The following STK39 variants were observed in gnomAD, a reference collection of about 807,000 sequenced individuals.
STK39 encodes the protein STE20/SPS1-related proline-alanine-rich protein kinase.
A neutral mutation model predicts 77.8 loss-of-function variants in STK39; 20 were observed. That is an observed-to-expected ratio of 0.26 (90% CI 0.18 to 0.37). The LOEUF (loss-of-function observed/expected upper bound fraction) is 0.37, where lower values mean the gene tolerates loss of function less well. Ranked by LOEUF, STK39 falls within the 10% of genes least tolerant of loss-of-function variation. The pLI, the probability that STK39 is intolerant of heterozygous loss-of-function variation, is 1.00. For synonymous variants in STK39, 246 were observed against 234.1 expected, an observed-to-expected ratio of 1.05 and a Z score of -0.47; for missense variants, 479 against 656.5, an observed-to-expected ratio of 0.73 and a Z score of 2.95.
chr2:167,966,663 G>C (rs1016111218), intron 16 of STK39, among the ~76,000 whole-genome samples: 4 of 152,124 alleles, frequency 2.6e-5, no homozygotes, highest in South Asian at 4.1e-4. Context: ...AAGCAACTTG[G>C]AGACCTAAGG....
chr2:167,965,396 T>C (rs925287385), intron 16 of STK39, among the ~76,000 whole-genome samples: 3 of 152,222 alleles, frequency 2.0e-5, no homozygotes, highest in Non-Finnish European at 4.4e-5. Flanking sequence ...AGCTCAGTGC[T>C]GCAGATATGT....
At chr2:168,048,696 C>T (rs1685315781) in intron 14 of STK39, among the ~76,000 whole-genome samples, 1 of 152,166 alleles carries the variant, frequency 6.6e-6, no homozygotes, top group Admixed American at 6.5e-5. Flanking sequence ...TTGGCTCTTG[C>T]TTTATTCTTT....
intron 16 of STK39, among the ~76,000 whole-genome samples, chr2:167,965,220 CA>C (rs796533447): frequency 7.9e-4 from 121 of 152,272 alleles, no homozygotes; most frequent in African/African-American, 2.7e-3. Flanking sequence ...TCTCTGAACC[CA>C]TTTTTATCAA....
chr2:167,992,927 C>T (rs1399835645), intron 16 of STK39, among the ~76,000 whole-genome samples: 1 of 152,090 alleles, frequency 6.6e-6, no homozygotes, highest in Non-Finnish European at 1.5e-5. Context: ...TTTTGCTTTC[C>T]TGTTAAGTAG....
At chr2:168,211,271 G>A (rs1689883942) in intron 1 of STK39, among the ~76,000 whole-genome samples, 1 of 152,186 alleles carries the variant, frequency 6.6e-6, no homozygotes, top group African/African-American at 2.4e-5. Flanking sequence ...AAATATGGAT[G>A]TATTGCTCAA....
intron 10 of STK39, among the ~76,000 whole-genome samples, chr2:168,120,694 T>G (rs1042973444): frequency 1.3e-5 from 2 of 152,232 alleles, no homozygotes; most frequent in African/African-American, 4.8e-5. Context: ...CTATAACCTG[T>G]GCCACTTATT....
chr2:168,225,519 G>C (rs1427509258), intron 1 of STK39, among the ~76,000 whole-genome samples: 1 of 151,972 alleles, frequency 6.6e-6, no homozygotes, highest in Non-Finnish European at 1.5e-5. Flanking sequence ...CATATCTCAG[G>C]ATTCGGGTAT....
intron 1 of STK39, among the ~76,000 whole-genome samples, chr2:168,228,751 T>C (rs916973508): frequency 6.6e-6 from 1 of 152,164 alleles, no homozygotes; most frequent in Non-Finnish European, 1.5e-5. Context: ...ATTGCGCCAT[T>C]GCACTCCAGC....
At chr2:168,143,469 T>C (rs1688047524) in intron 5 of STK39, among the ~76,000 whole-genome samples, 1 of 152,156 alleles carries the variant, frequency 6.6e-6, no homozygotes, top group Admixed American at 6.5e-5. Flanking sequence ...CCCCAGCACT[T>C]TGGGAGGCCA....
At position 168,064,289 on chromosome 2, in the gene STK39, T is replaced by C. The variant is rs114737002; in HGVS notation, c.1306-719A>G. Among the ~76,000 whole-genome samples the C allele has an allele frequency of 9.6e-3, 1,465 of 152,308 alleles. 21 individuals are homozygous for C. The highest frequency in any genetic ancestry group is 0.034 in the African/African-American group (1,403 of 41,550). The stretch of plus-strand genomic sequence containing the variant: ...AGTTATCCTAATCCCTGTTCCCGTT[T>C]CCTTTACTCTCTTTGCCCTCTGATC... On this transcript the variant is annotated intron_variant, in intron 13 of 17. Coordinates refer to ENST00000355999, the MANE Select transcript of STK39 (RefSeq NM_013233.3).
chr2:168,157,433 T>C (rs750290147), intron 5 of STK39, among the ~76,000 whole-genome samples: 1 of 152,222 alleles, frequency 6.6e-6, no homozygotes, highest in Non-Finnish European at 1.5e-5. Flanking sequence ...TCTTTGTGTA[T>C]TGGGCCTACT....
intron 1 of STK39, among the ~76,000 whole-genome samples, chr2:168,223,598 G>A (rs577599596): frequency 6.6e-6 from 1 of 152,026 alleles, no homozygotes; most frequent in Non-Finnish European, 1.5e-5. Flanking sequence ...CAAAAGTGAA[G>A]GAGGCAAAGA....
chr2:167,963,024 A>G (rs536307778), intron 17 of STK39, among the ~76,000 whole-genome samples: 1 of 152,294 alleles, frequency 6.6e-6, no homozygotes, highest in African/African-American at 2.4e-5. Flanking sequence ...GGTTTACAAT[A>G]GGGCAGTGGA....
intron 14 of STK39, among the ~76,000 whole-genome samples, chr2:168,047,472 T>C (rs1257017136): frequency 6.6e-6 from 1 of 152,188 alleles, no homozygotes; most frequent in Admixed American, 6.5e-5. Flanking sequence ...CCCATCAGCT[T>C]TTTGACTGAG....
intron 14 of STK39, among the ~76,000 whole-genome samples, chr2:168,018,331 C>T (rs1684467369): frequency 6.6e-6 from 1 of 151,996 alleles, no homozygotes; most frequent in Non-Finnish European, 1.5e-5. Flanking sequence ...GAAACCCCAT[C>T]TCTACTAAAA....
At chr2:168,013,287 C>T (rs949525380) in intron 15 of STK39, among the ~76,000 whole-genome samples, 23 of 152,212 alleles carry the variant, frequency 1.5e-4, no homozygotes, top group Admixed American at 1.0e-3. Context: ...AATAAAATAC[C>T]GTACTTTCTC....
intron 10 of STK39, among the ~76,000 whole-genome samples, chr2:168,091,058 A>G: frequency 6.6e-6 from 1 of 152,000 alleles, no homozygotes; most frequent in Non-Finnish European, 1.5e-5. Context: ...GGTTCACTAA[A>G]ATCATTTTCC....
At chr2:168,124,398 A>G (rs1214592321) in intron 10 of STK39, among the ~76,000 whole-genome samples, 1 of 151,838 alleles carries the variant, frequency 6.6e-6, no homozygotes, top group African/African-American at 2.4e-5. Context: ...TGTGGGTTAT[A>G]TTTTTTATTT....
intron 10 of STK39, among the ~76,000 whole-genome samples, chr2:168,094,362 C>T (rs1686606264): frequency 6.6e-6 from 1 of 152,144 alleles, no homozygotes. Flanking sequence ...ATTTTTCTCC[C>T]CCTCCACACT....
Sources: gnomAD v4.1 joint callset for allele counts (sites outside exome capture counted in the v4.1 genomes callset) on GRCh38, gnomAD v4.1.1 for gene constraint, MANE v1.5 for transcripts, NCBI Gene and HGNC (gene_info 2026-07-23, HGNC 2026-07-21) for gene names.